Variants in SP1 observed in about 807,000 individuals in gnomAD.
SP1 encodes the protein Sp1 transcription factor.
In SP1, 6 loss-of-function variants were observed where a neutral mutation model predicts 66.3. The ratio of observed to expected loss-of-function variants is 0.09; its 90% CI spans 0.05 to 0.18. SP1 has a LOEUF of 0.18. Among genes scored for constraint, SP1 ranks in the 10% least tolerant of loss-of-function variants. The probability of loss-of-function intolerance (pLI) is 1.00; values close to 1 mark genes in which losing one functional copy is unlikely to be tolerated. For missense variants in SP1, 848 were observed against 964.5 expected, an observed-to-expected ratio of 0.88 and a Z score of 1.60; for synonymous variants, 417 against 360.8, an observed-to-expected ratio of 1.16 and a Z score of -1.77.
intron 3 of SP1, among the ~76,000 whole-genome samples, chr12:53,384,665 C>T (rs990196284): frequency 6.6e-6 from 1 of 152,116 alleles, no homozygotes; most frequent in Non-Finnish European, 1.5e-5. Context: ...CCTTCTTTGG[C>T]CTGTAGGCCA....
chr12:53,411,108 C>G lies in SP1; in HGVS notation c.2226C>G (p.Ala742=). ...GCAGTGGCACTGCCACTCCTTCAGC[C>G]CTTATTACCACCAATATGGTAGCCA... The part of the protein sequence containing the change: ...SEGSGTATPS[A]LITTNMVAME... The change falls in exon 6 of 6, where the codon GCC becomes GCG. Residue 742 remains alanine (A), a synonymous_variant. Coordinates refer to ENST00000327443, the MANE Select transcript of SP1 (RefSeq NM_138473.3). The G allele has an allele frequency of 6.2e-7, 1 of 1,614,202 alleles. No homozygotes were observed.
chr12:53,402,517 C>G (rs1026620613), intron 3 of SP1, among the ~76,000 whole-genome samples: 1 of 151,884 alleles, frequency 6.6e-6, no homozygotes, highest in Non-Finnish European at 1.5e-5. Flanking sequence ...CCGTTGCGCC[C>G]GGCCTGGACT....
Position 53,382,414 on chromosome 12 carries a change from A to G in SP1, c.467A>G (p.Gln156Arg), listed in dbSNP as rs762106601. 6.2e-7 allele frequency: 1 copy of G among 1,614,214 alleles called. No homozygotes were observed. The highest frequency in any genetic ancestry group is 8.5e-7 in the Non-Finnish European group (1 of 1,180,032). The stretch of plus-strand genomic sequence containing the variant: ...GTTGTGGCTGCCGCTCCCAACTTAC[A>G]GAACCAGCAAGTTCTGACAGGACTA... ...QYVVAAAPNL[Q>R]NQQVLTGLPG... is the part of the protein sequence containing the mutation. Residue 156 changes from glutamine to arginine, a missense_variant, in exon 3 of 6, where the codon CAG becomes CGG. Gln to Arg is a conservative substitution (Grantham distance 43). Around this residue, in one of 7 missense-constraint regions of SP1, gnomAD observed 606 missense variants for 589.9 expected, o/e 1.03. Coordinates refer to ENST00000327443, the MANE Select transcript of SP1 (RefSeq NM_138473.3).
At position 53,382,884 on chromosome 12, in the gene SP1, T is replaced by C. The variant is rs779795977; in HGVS notation, c.937T>C (p.Ser313Pro). 4 of 1,614,178 alleles carry C rather than the reference T, an allele frequency of 2.5e-6. No homozygotes were observed. Among genetic ancestry groups the C allele is most frequent in the Non-Finnish European group, 3.4e-6 (4 of 1,180,026 alleles). Residue 313 changes from serine (S) to proline (P), a missense_variant, in exon 3 of 6, where the codon TCA (serine) becomes CCA (proline). Ser to Pro is a moderately conservative substitution (Grantham distance 74). This residue lies in a region of SP1 where 606 missense variants were observed against 589.9 expected (regional missense o/e 1.03). Transcript: ENST00000327443. The part of the protein sequence containing the change: ...TTISSASLVS[S>P]QASSSSFFTN... The stretch of plus-strand genomic sequence containing the variant: ...CATCAGTTCTGCCAGCTTGGTATCA[T>C]CACAAGCCAGTTCCAGCTCCTTTTT...
Position 53,408,074 on chromosome 12 carries a change from C to G in SP1, c.1845-1288C>G, listed in dbSNP as rs554719566. Among the ~76,000 whole-genome samples, 6 of 144,282 alleles carry G rather than the reference C, an allele frequency of 4.2e-5. No individual in the cohort carries two copies. The East Asian group carries it at 1.3e-3, about 32-fold the overall frequency. The allele number at this position is 144,282 out of a possible 152,430, so 94.7% of individuals were successfully genotyped here. On this transcript the variant is annotated intron_variant, in intron 4 of 5. Transcript: ENST00000327443. Reference sequence around the variant, plus strand: ...CCAGCCTGGCCAACATGGTGAAACCCCATCTCTACTAAAAGTACAAAAATT... The same window carrying G: ...CCAGCCTGGCCAACATGGTGAAACCGCATCTCTACTAAAAGTACAAAAATT...
intron 3 of SP1, among the ~76,000 whole-genome samples, chr12:53,405,514 A>G (rs1339438065): frequency 2.0e-5 from 3 of 152,040 alleles, no homozygotes; most frequent in Admixed American, 6.6e-5. Flanking sequence ...CTAAAAATAC[A>G]AAAAAGTTAG....
At chr12:53,400,755 ATTTTTTTTTTT>A (rs10547195) in intron 3 of SP1, among the ~76,000 whole-genome samples, 2 of 70,064 alleles carry the variant, frequency 2.9e-5, no homozygotes, top group Non-Finnish European at 5.6e-5. Context: ...CACTGGGCTA[ATTTTTTTTTTT>A]TTTTTTTTTT....
chr12:53,409,292 G>C (rs1344933405), intron 4 of SP1, 70 bp from the exon 5 acceptor site: 2 of 1,275,840 alleles, frequency 1.6e-6, no homozygotes, highest in Non-Finnish European at 2.2e-6. Flanking sequence ...TTGGGTGATT[G>C]CTGTTGATAC....
At chr12:53,396,163 C>T (rs1160703053) in intron 3 of SP1, among the ~76,000 whole-genome samples, 2 of 151,626 alleles carry the variant, frequency 1.3e-5, no homozygotes, top group Non-Finnish European at 2.9e-5. Flanking sequence ...CACCTGTAGT[C>T]CCAGCTACTC....
chr12:53,383,798 A>G (rs1391404205), intron 3 of SP1, among the ~76,000 whole-genome samples, 176 bp downstream of exon 3: 1 of 152,214 alleles, frequency 6.6e-6, no homozygotes, highest in African/African-American at 2.4e-5. Context: ...ACTGAAGTAA[A>G]GGAAACTTCT....
At chr12:53,380,429 C>T (rs1938057410) in intron 1 of SP1, 131 bp downstream of exon 1, 3 of 813,632 alleles carry the variant, frequency 3.7e-6, no homozygotes, top group Middle Eastern at 3.3e-4. Context: ...CTAGGTCCCG[C>T]CCGGGGCGGA....
chr12:53,390,463 G>C (rs2694846), intron 3 of SP1, among the ~76,000 whole-genome samples: 1 of 151,948 alleles, frequency 6.6e-6, no homozygotes, highest in South Asian at 2.1e-4. Flanking sequence ...CGGGTGGACT[G>C]CCTGAGCTCA....
intron 3 of SP1, among the ~76,000 whole-genome samples, chr12:53,396,487 G>T (rs1938493297): frequency 6.6e-6 from 1 of 151,946 alleles, no homozygotes; most frequent in East Asian, 1.9e-4. Flanking sequence ...AGAATCGCTT[G>T]AACCCGGGAG....
At chr12:53,380,772 C>T in intron 1 of SP1, 1 of 558,740 alleles carries the variant, frequency 1.8e-6, no homozygotes, top group Non-Finnish European at 2.3e-6. Context: ...CTTTCCACGC[C>T]CCTCACCCCG....
chr12:53,403,672 G>T (rs1477662555), intron 3 of SP1, among the ~76,000 whole-genome samples: 1 of 151,942 alleles, frequency 6.6e-6, no homozygotes, highest in African/African-American at 2.4e-5. Flanking sequence ...TTAAATATAT[G>T]GATAGAGTTG....
chr12:53,396,004 C>T (rs1213769364), intron 3 of SP1, among the ~76,000 whole-genome samples: 1 of 152,100 alleles, frequency 6.6e-6, no homozygotes, highest in Non-Finnish European at 1.5e-5. Context: ...CCTGTAGTCC[C>T]AGCTACTCCA....
intron 1 of SP1, chr12:53,380,748 C>G: frequency 2.9e-6 from 2 of 686,996 alleles, no homozygotes; most frequent in Non-Finnish European, 3.6e-6. Context: ...CCCCCCGCCC[C>G]CCACCGTCCC....
chr12:53,392,211 G>A (rs1938369494), intron 3 of SP1, among the ~76,000 whole-genome samples: 2 of 152,048 alleles, frequency 1.3e-5, no homozygotes, highest in African/African-American at 2.4e-5. Flanking sequence ...ACGGAGTCAC[G>A]CTCTTGTGAC....
chr12:53,384,545 C>G (rs1039400065), intron 3 of SP1, among the ~76,000 whole-genome samples: 4 of 152,190 alleles, frequency 2.6e-5, no homozygotes, highest in Non-Finnish European at 4.4e-5. Context: ...CTCGGCCTCC[C>G]AAAGTGCTGG....
Sources: gnomAD v4.1 joint callset for allele counts (sites outside exome capture counted in the v4.1 genomes callset) on GRCh38, gnomAD v4.1.1 for gene constraint, gnomAD v4.1.1 regional missense constraint, MANE v1.5 for transcripts, NCBI Gene and HGNC (gene_info 2026-07-23, HGNC 2026-07-21) for gene names.